Variants in CACNA2D2 observed in about 807,000 individuals in gnomAD.
CACNA2D2 encodes the protein voltage-dependent calcium channel subunit alpha-2/delta-2.
Under a neutral mutation model 166.4 loss-of-function variants are expected in CACNA2D2, and 48 were observed. That is an observed-to-expected ratio of 0.29 (90% confidence interval 0.23 to 0.37). CACNA2D2 has a LOEUF of 0.37. Ranked by LOEUF, CACNA2D2 falls within the 10% of genes least tolerant of loss-of-function variation. The pLI is 1.00. For missense variants in CACNA2D2, 1,122 were observed against 1,433.0 expected, an observed-to-expected ratio of 0.78 and a Z score of 3.50; for synonymous variants, 561 against 573.7, an observed-to-expected ratio of 0.98 and a Z score of 0.32.
intron 2 of CACNA2D2, among the ~76,000 whole-genome samples, chr3:50,435,516 G>A (rs1168387690): frequency 6.6e-6 from 1 of 151,730 alleles, no homozygotes; most frequent in African/African-American, 2.4e-5. Context: ...AGACAGAGAG[G>A]AGGTGATGAG....
At chr3:50,435,434 C>T (rs1245590935) in intron 2 of CACNA2D2, among the ~76,000 whole-genome samples, 5 of 151,788 alleles carry the variant, frequency 3.3e-5, no homozygotes, top group African/African-American at 1.2e-4. Context: ...TCCTTCACCA[C>T]CAGAGGTCAC....
intron 2 of CACNA2D2, among the ~76,000 whole-genome samples, chr3:50,472,717 G>A (rs1262952600): frequency 6.6e-6 from 1 of 152,138 alleles, no homozygotes; most frequent in African/African-American, 2.4e-5. Context: ...CCATCAGAGT[G>A]ACCTGGGCTT....
At chr3:50,443,760 C>T (rs891356894) in intron 2 of CACNA2D2, among the ~76,000 whole-genome samples, 1 of 152,246 alleles carries the variant, frequency 6.6e-6, no homozygotes, top group Non-Finnish European at 1.5e-5. Flanking sequence ...CCCCCATCTT[C>T]GGATGTGTAA....
At chr3:50,484,763 G>C (rs866782378) in intron 1 of CACNA2D2, among the ~76,000 whole-genome samples, 2 of 152,204 alleles carry the variant, frequency 1.3e-5, no homozygotes, top group African/African-American at 2.4e-5. Context: ...CCTCTGCCTT[G>C]GGCTGTGAGC....
chr3:50,454,013 G>C (rs774546047), intron 2 of CACNA2D2, among the ~76,000 whole-genome samples: 2 of 152,170 alleles, frequency 1.3e-5, no homozygotes, highest in Admixed American at 6.5e-5. Context: ...CCCGGGTTCC[G>C]GTGCCTGCTC....
At chr3:50,494,842 T>C (rs1296533711) in intron 1 of CACNA2D2, among the ~76,000 whole-genome samples, 1 of 151,758 alleles carries the variant, frequency 6.6e-6, no homozygotes, top group Non-Finnish European at 1.5e-5. Context: ...ACCTGGCTAA[T>C]TTTTGTATTT....
At chr3:50,479,747 T>C (rs1697963651) in intron 1 of CACNA2D2, among the ~76,000 whole-genome samples, 1 of 152,188 alleles carries the variant, frequency 6.6e-6, no homozygotes, top group Non-Finnish European at 1.5e-5. Context: ...AAAGATAAGC[T>C]GATCAAATCC....
chr3:50,441,042 G>A (rs1368759834), intron 2 of CACNA2D2, among the ~76,000 whole-genome samples: 1 of 151,960 alleles, frequency 6.6e-6, no homozygotes, highest in Non-Finnish European at 1.5e-5. Flanking sequence ...CTCAGTGGCT[G>A]CAGAGGGGCT....
intron 3 of CACNA2D2, 64 bp from the exon 4 acceptor site, chr3:50,394,232 A>G: frequency 7.5e-7 from 1 of 1,336,758 alleles, no homozygotes. Flanking sequence ...GCCCACCCCA[A>G]AGCCTCTCCA....
chr3:50,483,889 T>G (rs1000253877), intron 1 of CACNA2D2, among the ~76,000 whole-genome samples: 1 of 152,146 alleles, frequency 6.6e-6, no homozygotes, highest in Non-Finnish European at 1.5e-5. Flanking sequence ...CAGATCACTA[T>G]CCGCAATCCT....
At chr3:50,452,088 C>A (rs1471348999) in intron 2 of CACNA2D2, among the ~76,000 whole-genome samples, 3 of 152,242 alleles carry the variant, frequency 2.0e-5, no homozygotes, top group Non-Finnish European at 2.9e-5. Flanking sequence ...CCTCCCCAGG[C>A]TGTACCCCGA....
chr3:50,398,681 A>T (rs1413764587), intron 3 of CACNA2D2, among the ~76,000 whole-genome samples: 1 of 152,082 alleles, frequency 6.6e-6, no homozygotes, highest in Non-Finnish European at 1.5e-5. Flanking sequence ...GAAGTCACTG[A>T]TGGTGCCTTG....
intron 1 of CACNA2D2, among the ~76,000 whole-genome samples, chr3:50,498,803 GCCC>G: frequency 6.6e-6 from 1 of 152,190 alleles, no homozygotes; most frequent in Non-Finnish European, 1.5e-5. Flanking sequence ...CAGGCTTCAA[GCCC>G]CCCTCCACTT....
intron 3 of CACNA2D2, among the ~76,000 whole-genome samples, chr3:50,404,284 C>T (rs996960247): frequency 6.6e-6 from 1 of 152,164 alleles, no homozygotes; most frequent in African/African-American, 2.4e-5. Context: ...GAGGGGCAGC[C>T]TCTGGGGTCT....
At chr3:50,494,575 A>G (rs6807916) in intron 1 of CACNA2D2, among the ~76,000 whole-genome samples, 18,575 of 152,212 alleles carry the variant, frequency 0.12, 1,393 homozygotes, top group East Asian at 0.32. Context: ...CAGAAACCCA[A>G]GGAGTTGGGG....
In CACNA2D2 at chr3:50,365,066, G is replaced by A; in HGVS notation, c.3208+9C>T. 2 of 1,607,742 alleles carry A rather than the reference G, an allele frequency of 1.2e-6. No individual in the cohort carries two copies. Among genetic ancestry groups the A allele is most frequent in the Non-Finnish European group, 8.5e-7 (1 of 1,177,638 alleles). On this transcript the variant is annotated intron_variant, in intron 36 of 37. Transcript: ENST00000424201. This position sits in a 1 kb window ranked among gnomAD's most constrained non-coding sequence, Gnocchi z 4.5. Reference sequence around the variant, plus strand: ...GGAGCGGGCGGCGGGGAGGGCGGGGGCAGGATACAGTGCGTCTCCTTCTGC... The same window carrying A: ...GGAGCGGGCGGCGGGGAGGGCGGGGACAGGATACAGTGCGTCTCCTTCTGC...
Position 50,383,819 on chromosome 3 carries a change from G to A in CACNA2D2, c.652+377C>T, listed in dbSNP as rs587748972. Reference sequence around the variant, plus strand: ...TGCAGCTTGTCAACCACTCCTACTTGGGGGCAGGGAATGGGGAAGGGTGGT... The same window carrying A: ...TGCAGCTTGTCAACCACTCCTACTTAGGGGCAGGGAATGGGGAAGGGTGGT... On this transcript the variant is annotated intron_variant, in intron 6 of 37. Coordinates refer to ENST00000424201, the MANE Select transcript of CACNA2D2 (RefSeq NM_006030.4). Among the ~76,000 whole-genome samples the A allele has an allele frequency of 2.4e-4, 36 of 152,302 alleles. No homozygotes were observed. In the South Asian group the frequency reaches 7.2e-3, roughly 31 times the overall value.
chr3:50,384,304 A>G lies in CACNA2D2; in HGVS notation c.544T>C (p.Ser182Pro), dbSNP rs1294476039. The change falls in exon 6 of 38, where the codon TCT (serine) becomes CCT (proline). Residue 182 changes from serine (S) to proline (P), a missense_variant. Ser to Pro is a moderately conservative substitution (Grantham distance 74, BLOSUM62 -1). Transcript: ENST00000424201. ...TCCAGCCTTAGGGTGCTGGCCTTAG[A>G]CCCCCTTTCCACATCCTCACTCTCA... The part of the protein sequence containing the change: ...DPESEDVERG[S>P]KASTLRLDFI... 8 of 1,613,854 alleles carry G rather than the reference A, an allele frequency of 5.0e-6. No individual in the cohort carries two copies.
intron 1 of CACNA2D2, among the ~76,000 whole-genome samples, chr3:50,502,188 C>A (rs1298108291): frequency 6.6e-6 from 1 of 152,186 alleles, no homozygotes; most frequent in Non-Finnish European, 1.5e-5. Context: ...TCCCCTTGGC[C>A]ACCAGCAGCC....
Sources: gnomAD v4.1 joint callset for allele counts (sites outside exome capture counted in the v4.1 genomes callset) on GRCh38, gnomAD v4.1.1 for gene constraint, Gnocchi (gnomAD v3.1) non-coding constraint, MANE v1.5 for transcripts, NCBI Gene and HGNC (gene_info 2026-07-23, HGNC 2026-07-21) for gene names.